The following MBTD1 variants were observed in gnomAD, a reference collection of about 807,000 sequenced individuals.
MBTD1 encodes mbt domain containing 1.
Under a neutral mutation model 87.8 loss-of-function variants are expected in MBTD1, and 24 were observed. The observed-to-expected ratio is 0.27, with a 90% CI of 0.20 to 0.38. The LOEUF (loss-of-function observed/expected upper bound fraction) is 0.38, where lower values mean the gene tolerates loss of function less well. Among genes scored for constraint, MBTD1 ranks in the 10% least tolerant of loss-of-function variants. MBTD1 has a pLI of 1.00. For missense variants in MBTD1, 436 were observed against 760.2 expected (o/e 0.57, Z 5.02); for synonymous variants, 237 against 248.6 (o/e 0.95, Z 0.44).
chr17:51,260,611 G>A (rs753733021), upstream of MBTD1: 7 of 1,612,676 alleles, frequency 4.3e-6, no homozygotes, highest in South Asian at 5.5e-5. Flanking sequence ...GGAGACGAAT[G>A]AAACTGGACC....
At position 51,178,493 on chromosome 17, in the gene MBTD1, T is replaced by TC. The variant is rs2050174703; in HGVS notation, c.*2082dup. ...TCCTCTCTCTCCTGGTTTAGTCAGT[T>TC]CCCCATGGAGCTCCTAAATCCAAGG... On this transcript the variant is annotated 3_prime_UTR_variant, in exon 17 of 17. Transcript: ENST00000586178. The TC allele has an allele frequency of 6.6e-6, 1 of 152,186 alleles. No homozygotes were observed. The highest frequency in any genetic ancestry group is 2.1e-4 in the South Asian group (1 of 4,826). The allele number at this position is 152,186 out of a possible 1,614,324, so 9.4% of individuals were successfully genotyped here. A position where few individuals can be genotyped will look rare whatever the true frequency, so the allele number is the denominator to read the frequency against.
chr17:51,229,614 A>G (rs2053437315), intron 2 of MBTD1, among the ~76,000 whole-genome samples: 1 of 151,934 alleles, frequency 6.6e-6, no homozygotes, highest in African/African-American at 2.4e-5. Flanking sequence ...GGGAGGTTAT[A>G]TACACGTTCT....
intron 13 of MBTD1, among the ~76,000 whole-genome samples, chr17:51,193,966 A>G (rs1443556251): frequency 6.6e-6 from 1 of 152,156 alleles, no homozygotes; most frequent in Non-Finnish European, 1.5e-5. Flanking sequence ...CATGTTACAC[A>G]GATTTCCCTC....
chr17:51,253,436 A>G (rs1008092256), intron 2 of MBTD1, among the ~76,000 whole-genome samples: 1 of 152,186 alleles, frequency 6.6e-6, no homozygotes, highest in Non-Finnish European at 1.5e-5. Context: ...CAGCAGGGGA[A>G]TCATGAGCAA....
At position 51,194,881 on chromosome 17, in the gene MBTD1, C is replaced by A. The variant is rs556615418; in HGVS notation, c.1372+333G>T. On this transcript the variant is annotated intron_variant, in intron 13 of 16. Coordinates refer to ENST00000586178, the MANE Select transcript of MBTD1 (RefSeq NM_017643.3). Reference sequence around the variant, plus strand: ...CTCCAGCCTGGGCAACAGAGCAAGACCCTGTCTTTATTGGGAAAAAAAGAA... The same window carrying A: ...CTCCAGCCTGGGCAACAGAGCAAGAACCTGTCTTTATTGGGAAAAAAAGAA... 1.2e-4 allele frequency among the ~76,000 whole-genome samples: 19 copies of A among 152,116 alleles called. No homozygotes were observed. The South Asian group carries it at 3.9e-3, about 32-fold the overall frequency.
At chr17:51,236,407 A>G (rs2053839711) in intron 2 of MBTD1, among the ~76,000 whole-genome samples, 1 of 152,008 alleles carries the variant, frequency 6.6e-6, no homozygotes, top group South Asian at 2.1e-4. Flanking sequence ...CACTATGCCT[A>G]GCTAATTTTT....
At chr17:51,211,895 AG>A (rs1435108786) in intron 6 of MBTD1, among the ~76,000 whole-genome samples, 1 of 152,184 alleles carries the variant, frequency 6.6e-6, no homozygotes, top group African/African-American at 2.4e-5. Context: ...CATACACAAA[AG>A]GGCTTTTATT....
chr17:51,181,785 C>A (rs1367289114), intron 16 of MBTD1, among the ~76,000 whole-genome samples: 1 of 152,192 alleles, frequency 6.6e-6, no homozygotes, highest in Non-Finnish European at 1.5e-5. Context: ...TGCCTGAGTT[C>A]TTATCTGATG....
intron 6 of MBTD1, among the ~76,000 whole-genome samples, chr17:51,215,750 G>A (rs1380486519): frequency 1.3e-5 from 2 of 152,098 alleles, no homozygotes; most frequent in Non-Finnish European, 2.9e-5. Flanking sequence ...AAGGCAAGAT[G>A]TCACTGACTA....
At chr17:51,260,536 G>A, upstream of MBTD1, 1 of 1,563,844 alleles carries the variant, frequency 6.4e-7, no homozygotes, top group Non-Finnish European at 8.6e-7. Context: ...CTGGGCGCAT[G>A]CGCAGCGAGG....
chr17:51,235,915 G>C (rs1177931419), intron 2 of MBTD1, among the ~76,000 whole-genome samples: 1 of 152,122 alleles, frequency 6.6e-6, no homozygotes, highest in Non-Finnish European at 1.5e-5. Context: ...TAAAGCTACA[G>C]TATGAAGACA....
chr17:51,260,545 G>C (rs781281290), upstream of MBTD1: 24 of 1,585,084 alleles, frequency 1.5e-5, no homozygotes, highest in African/African-American at 1.4e-5. Context: ...TGCGCAGCGA[G>C]GTTCCACGTG....
intron 2 of MBTD1, among the ~76,000 whole-genome samples, chr17:51,237,748 GT>G (rs1003191265): frequency 6.6e-6 from 1 of 152,190 alleles, no homozygotes; most frequent in African/African-American, 2.4e-5. Flanking sequence ...AAAGCAGGCA[GT>G]TTCTTAAAAA....
chr17:51,190,721 C>CAAAAAAA (rs1165717944), intron 16 of MBTD1, among the ~76,000 whole-genome samples: 1 of 35,158 alleles, frequency 2.8e-5, no homozygotes, highest in Non-Finnish European at 4.1e-5. Context: ...GACTCTGTCT[C>CAAAAAAA]AAAAAAAAAA....
chr17:51,225,785 CTT>C (rs34812017), intron 2 of MBTD1, among the ~76,000 whole-genome samples: 5 of 146,770 alleles, frequency 3.4e-5, no homozygotes, highest in African/African-American at 5.0e-5. Flanking sequence ...ATTCCTAGCA[CTT>C]TTTTTTTTTG....
intron 3 of MBTD1, 110 bp from the exon 4 acceptor site, chr17:51,220,573 T>G (rs2052827217): frequency 3.8e-6 from 4 of 1,039,658 alleles, no homozygotes; most frequent in Non-Finnish European, 5.5e-6. Context: ...TTAAAAAATT[T>G]GCCTTGAACA....
rs1472663242 is a variant in MBTD1 at position 51,197,075 on chromosome 17, T to C, written c.1225-1714A>G. On this transcript the variant is annotated intron_variant, in intron 12 of 16. Transcript: ENST00000586178. ...ATATATATATATATATATATATATA[T>C]ATATATATATATATATATATATATA... 5.6e-3 allele frequency among the ~76,000 whole-genome samples: 53 copies of C among 9,382 alleles called. 5 individuals carry two copies. The highest frequency in any genetic ancestry group is 0.017 in the Admixed American group (17 of 982). 6.2% of individuals were successfully genotyped at this position (9,382 alleles called of 152,430 possible). A position where few individuals can be genotyped will look rare whatever the true frequency, so the allele number is the denominator to read the frequency against.
At chr17:51,217,032 C>T (rs1262658754) in intron 6 of MBTD1, among the ~76,000 whole-genome samples, 8 of 151,826 alleles carry the variant, frequency 5.3e-5, no homozygotes, top group Non-Finnish European at 1.2e-4. Flanking sequence ...GAGACCATGT[C>T]TTTACAAAAA....
chr17:51,192,286 AAAT>A lies in MBTD1; in HGVS notation c.1691-9_1691-7del. The A allele has an allele frequency of 6.5e-7, 1 of 1,547,138 alleles. No individual in the cohort carries two copies. Among genetic ancestry groups the A allele is most frequent in the Non-Finnish European group, 8.7e-7 (1 of 1,143,438 alleles). ...TGATTGGTTTTCTCTTGATGCTGAA[AAAT>A]AAAAAGGGAAAATTGGTACTAGATA... is the stretch of plus-strand genomic sequence containing the variant. On this transcript the variant is annotated splice_region_variant and splice_polypyrimidine_tract_variant and intron_variant, in intron 15 of 16. Coordinates refer to ENST00000586178, the MANE Select transcript of MBTD1 (RefSeq NM_017643.3).
Sources: gnomAD v4.1 joint callset for allele counts (sites outside exome capture counted in the v4.1 genomes callset) on GRCh38, gnomAD v4.1.1 for gene constraint, MANE v1.5 for transcripts, NCBI Gene and HGNC (gene_info 2026-07-23, HGNC 2026-07-21) for gene names.